ANKS1B: variants seen among roughly 807,000 people sequenced by gnomAD.
The protein encoded by ANKS1B is ankyrin repeat and sterile alpha motif domain-containing protein 1B.
In ANKS1B, 36 loss-of-function variants were observed where a neutral mutation model predicts 148.3. The ratio of observed to expected loss-of-function variants is 0.24; its 90% CI spans 0.19 to 0.32. The LOEUF is 0.32. ANKS1B is among the 10% of genes least tolerant of loss of function. The pLI is 1.00. For synonymous variants in ANKS1B, 542 were observed against 560.8 expected (o/e 0.97, Z 0.47); for missense variants, 1,157 against 1,542.6 (o/e 0.75, Z 4.19).
At chr12:99,453,225 G>C (rs1243757176) in intron 10 of ANKS1B, among the ~76,000 whole-genome samples, 1 of 152,118 alleles carries the variant, frequency 6.6e-6, no homozygotes, top group Non-Finnish European at 1.5e-5. Context: ...GGGAAGCAGA[G>C]CTTGGAGTGA....
rs527491795 is a variant in ANKS1B, at chr12:99,017,742, G to T, written c.2778+35415C>A. On this transcript the variant is annotated intron_variant, in intron 17 of 26. Coordinates refer to ENST00000683438, the MANE Select transcript of ANKS1B (RefSeq NM_001352186.2). Reference sequence around the variant, plus strand: ...AACTCCAGTTCTCCCACGTGAGTTAGCTTTATATCAAATGAACTCTTTCTC... The same window carrying T: ...AACTCCAGTTCTCCCACGTGAGTTATCTTTATATCAAATGAACTCTTTCTC... Among the ~76,000 whole-genome samples the T allele has an allele frequency of 2.0e-5, 3 of 152,152 alleles. No homozygotes were observed. The East Asian group carries it at 5.8e-4, about 29-fold the overall frequency.
chr12:98,742,299 A>G (rs2097804733), downstream of ANKS1B, among the ~76,000 whole-genome samples: 2 of 151,128 alleles, frequency 1.3e-5, no homozygotes, highest in Non-Finnish European at 2.9e-5. Flanking sequence ...AAGTCTTCAC[A>G]GCACTGGTCG....
At chr12:99,299,756 T>C (rs1480905097) in intron 12 of ANKS1B, among the ~76,000 whole-genome samples, 2 of 152,218 alleles carry the variant, frequency 1.3e-5, no homozygotes, top group Non-Finnish European at 2.9e-5. Context: ...ACTAACACAG[T>C]TTTCCAAATA....
rs138104966 is a variant in ANKS1B at position 99,341,971 on chromosome 12, A to C, written c.1756+57660T>G. Among the ~76,000 whole-genome samples, 562 of 152,246 alleles carry C rather than the reference A, an allele frequency of 3.7e-3. 1 individual carries two copies. Among genetic ancestry groups the C allele is most frequent in the Middle Eastern group, 0.01 (3 of 294 alleles). ...AACAATAATTCTTTCTAATTCAGTA[A>C]GTATTTTTCAGTATCAAATTCTGGG... On this transcript the variant is annotated intron_variant, in intron 12 of 26. Transcript: ENST00000683438.
chr12:99,734,269 T>C (rs184011960), intron 8 of ANKS1B, among the ~76,000 whole-genome samples: 2 of 152,264 alleles, frequency 1.3e-5, no homozygotes, highest in South Asian at 2.1e-4. Context: ...AACATCTTCC[T>C]TTTTTTCTCT....
At chr12:99,141,199 C>G (rs1010925005) in intron 15 of ANKS1B, among the ~76,000 whole-genome samples, 1 of 152,136 alleles carries the variant, frequency 6.6e-6, no homozygotes, top group African/African-American at 2.4e-5. Flanking sequence ...AAATTCTTCC[C>G]TTTGCCCCAC....
chr12:99,591,910 T>A (rs1372232407), intron 9 of ANKS1B, among the ~76,000 whole-genome samples: 1 of 152,224 alleles, frequency 6.6e-6, no homozygotes, highest in Non-Finnish European at 1.5e-5. Context: ...AACAATCTTT[T>A]TCAATTGCTG....
At chr12:99,723,589 C>T (rs1167920373) in intron 8 of ANKS1B, among the ~76,000 whole-genome samples, 1 of 152,072 alleles carries the variant, frequency 6.6e-6, no homozygotes, top group Admixed American at 6.5e-5. Context: ...TCTGGGCAGC[C>T]CAGATGAGTG....
At chr12:99,404,839 C>T (rs2094495003) in intron 11 of ANKS1B, among the ~76,000 whole-genome samples, 1 of 145,392 alleles carries the variant, frequency 6.9e-6, no homozygotes, top group Admixed American at 6.8e-5. Flanking sequence ...AACAAGACTA[C>T]CTCAAGCTAT....
chr12:99,512,213 G>T (rs183650850), intron 9 of ANKS1B, among the ~76,000 whole-genome samples: 13 of 151,298 alleles, frequency 8.6e-5, no homozygotes, highest in Admixed American at 3.3e-4. Flanking sequence ...AAATATATAA[G>T]AAAAAAGCAA....
intron 17 of ANKS1B, among the ~76,000 whole-genome samples, chr12:98,989,630 ATTGTT>A (rs1228764167): frequency 1.3e-5 from 2 of 151,928 alleles, no homozygotes; most frequent in Non-Finnish European, 2.9e-5. Flanking sequence ...CAATTTTAGG[ATTGTT>A]TTTTCTGTTT....
At chr12:99,074,052 G>A (rs563119176) in intron 16 of ANKS1B, among the ~76,000 whole-genome samples, 1 of 152,206 alleles carries the variant, frequency 6.6e-6, no homozygotes, top group South Asian at 2.1e-4. Flanking sequence ...ATTCTTTGAC[G>A]AATTATGTAA....
chr12:99,928,845 T>C (rs545988200), intron 1 of ANKS1B, among the ~76,000 whole-genome samples: 3 of 152,150 alleles, frequency 2.0e-5, no homozygotes, highest in Non-Finnish European at 2.9e-5. Context: ...TTTTACCAAC[T>C]ACGAAAGGGA....
chr12:99,759,178 T>A (rs1431888120), intron 8 of ANKS1B, among the ~76,000 whole-genome samples: 1 of 151,870 alleles, frequency 6.6e-6, no homozygotes, highest in Non-Finnish European at 1.5e-5. Flanking sequence ...ATCACCTAAA[T>A]GGAACTGTTA....
At chr12:99,460,726 T>C (rs559866038) in intron 10 of ANKS1B, among the ~76,000 whole-genome samples, 5 of 129,484 alleles carry the variant, frequency 3.9e-5, no homozygotes, top group African/African-American at 1.5e-4. Context: ...AGAATGGCCA[T>C]AATAACAAAA....
chr12:99,160,524 A>AT (rs2076552560), intron 14 of ANKS1B, among the ~76,000 whole-genome samples: 1 of 111,314 alleles, frequency 9.0e-6, no homozygotes. Flanking sequence ...TTTTTTTTGT[A>AT]TTTTTAGTAG....
At chr12:98,895,879 C>T (rs1222667721) in intron 17 of ANKS1B, among the ~76,000 whole-genome samples, 2 of 152,122 alleles carry the variant, frequency 1.3e-5, no homozygotes, top group African/African-American at 4.8e-5. Context: ...TTTAAAATCC[C>T]ATTTTTTTCC....
chr12:98,966,528 A>C (rs2099878067), intron 17 of ANKS1B, among the ~76,000 whole-genome samples: 1 of 152,166 alleles, frequency 6.6e-6, no homozygotes, highest in African/African-American at 2.4e-5. Context: ...ATACCATTTG[A>C]CCCAGCCATC....
intron 17 of ANKS1B, among the ~76,000 whole-genome samples, chr12:98,942,855 A>C (rs1029639633): frequency 6.6e-6 from 1 of 152,352 alleles, no homozygotes; most frequent in East Asian, 1.9e-4. Context: ...AAGAGTTCAA[A>C]TGAGAAAATT....
Sources: gnomAD v4.1 joint callset for allele counts (sites outside exome capture counted in the v4.1 genomes callset) on GRCh38, gnomAD v4.1.1 for gene constraint, MANE v1.5 for transcripts, NCBI Gene and HGNC (gene_info 2026-07-23, HGNC 2026-07-21) for gene names.